CECR2: variants seen among roughly 807,000 people sequenced by gnomAD.
CECR2 encodes the protein CECR2 histone acetyl-lysine reader.
A neutral mutation model predicts 154.5 loss-of-function variants in CECR2; 30 were observed. The observed-to-expected ratio is 0.19, with a 90% CI of 0.15 to 0.26. The LOEUF (loss-of-function observed/expected upper bound fraction) is 0.26. CECR2 is among the 10% of genes least tolerant of loss of function. The probability of loss-of-function intolerance (pLI) is 1.00; values close to 1 mark genes in which losing one functional copy is unlikely to be tolerated. For missense variants in CECR2, 1,743 were observed against 1,829.3 expected (o/e 0.95, Z 0.86); for synonymous variants, 725 against 683.7 (o/e 1.06, Z -0.94).
At position 17,441,607 on chromosome 22, in the gene CECR2, C is replaced by CT. The variant is rs199638111; in HGVS notation, c.127-35981_127-35980insT. On this transcript the variant is annotated intron_variant, in intron 1 of 18. Transcript: ENST00000262608. ...GTGTCTTACTCTGTGGACCCCACCCCCCGTTACTTGAATGAATGAATGAAT... is the reference window on the plus strand; with the variant it reads ...GTGTCTTACTCTGTGGACCCCACCCCTCCGTTACTTGAATGAATGAATGAAT... Among the ~76,000 whole-genome samples, 52 of 140,180 alleles carry CT rather than the reference C, an allele frequency of 3.7e-4. No homozygotes were observed. In the East Asian group the frequency reaches 9.5e-3, roughly 25 times the overall value. The allele number at this position is 140,180 out of a possible 152,430, so 92.0% of individuals were successfully genotyped here.
chr22:17,478,587 C>T (rs1212467171), intron 2 of CECR2, among the ~76,000 whole-genome samples: 2 of 152,084 alleles, frequency 1.3e-5, no homozygotes, highest in Non-Finnish European at 2.9e-5. Flanking sequence ...GATCTCCCGA[C>T]CTCGTGATCT....
chr22:17,405,676 G>C (rs892804874), intron 1 of CECR2, among the ~76,000 whole-genome samples: 1 of 134,878 alleles, frequency 7.4e-6, no homozygotes, highest in African/African-American at 2.7e-5. Flanking sequence ...ATTTTCAATT[G>C]TTTGCTAGTA....
intron 1 of CECR2, among the ~76,000 whole-genome samples, chr22:17,455,032 G>C (rs149105135): frequency 3.5e-3 from 527 of 152,270 alleles, no homozygotes; most frequent in African/African-American, 0.012. Flanking sequence ...CTCACATTCT[G>C]TATTTGTCCC....
chr22:17,469,319 C>T (rs2055082777), intron 1 of CECR2, among the ~76,000 whole-genome samples: 1 of 152,172 alleles, frequency 6.6e-6, no homozygotes, highest in Admixed American at 6.5e-5. Flanking sequence ...TTTTGGGGGA[C>T]ACACTGAGAC....
intron 1 of CECR2, among the ~76,000 whole-genome samples, chr22:17,446,617 T>G (rs1403786021): frequency 6.6e-6 from 1 of 151,712 alleles, no homozygotes; most frequent in Non-Finnish European, 1.5e-5. Context: ...CTCAGGAGGT[T>G]AGGAAGGAGA....
chr22:17,397,676 T>C (rs549607112), intron 1 of CECR2, among the ~76,000 whole-genome samples: 1 of 152,018 alleles, frequency 6.6e-6, no homozygotes, highest in South Asian at 2.1e-4. Context: ...TTTTTGTACT[T>C]TTAGTAGAAA....
At chr22:17,488,664 A>G (rs2055468832) in intron 2 of CECR2, among the ~76,000 whole-genome samples, 1 of 152,144 alleles carries the variant, frequency 6.6e-6, no homozygotes, top group Admixed American at 6.6e-5. Context: ...GGGGGACTAA[A>G]TTGTATCTAG....
chr22:17,378,331 C>T (rs1387131369), intron 1 of CECR2, among the ~76,000 whole-genome samples: 1 of 150,882 alleles, frequency 6.6e-6, no homozygotes, highest in African/African-American at 2.4e-5. Context: ...GAGTTTTGCT[C>T]TGTTGTCCAG....
intron 13 of CECR2, 127 bp downstream of exon 13, chr22:17,539,246 T>C: frequency 2.8e-6 from 3 of 1,086,810 alleles, no homozygotes; most frequent in Non-Finnish European, 4.0e-6. Flanking sequence ...TGAAAAGTCA[T>C]GGGATTGACC....
At chr22:17,438,936 G>T (rs1428434511) in intron 1 of CECR2, among the ~76,000 whole-genome samples, 5 of 152,096 alleles carry the variant, frequency 3.3e-5, no homozygotes, top group Non-Finnish European at 5.9e-5. Flanking sequence ...CACTTTGGGG[G>T]AGGTCAAGTT....
intron 1 of CECR2, chr22:17,419,381 C>T: frequency 5.6e-6 from 1 of 178,188 alleles, no homozygotes. Context: ...GCAGAAGCCA[C>T]CTGGGGATTG....
intron 8 of CECR2, among the ~76,000 whole-genome samples, chr22:17,515,921 C>T (rs978721256): frequency 4.0e-5 from 6 of 151,822 alleles, no homozygotes; most frequent in South Asian, 4.2e-4. Flanking sequence ...GTGATCCACC[C>T]GCCTTAGCCT....
At position 17,557,130 on chromosome 22, in the gene CECR2, C is replaced by T. The variant is rs962934400; in HGVS notation, c.*4290C>T. The T allele has an allele frequency of 2.8e-5, 4 of 143,662 alleles. No homozygotes were observed. Among genetic ancestry groups the T allele is most frequent in the Admixed American group, 7.1e-5 (1 of 14,158 alleles). The allele number at this position is 143,662 out of a possible 1,614,324, so 8.9% of individuals were successfully genotyped here. A position where few individuals can be genotyped will look rare whatever the true frequency, so the allele number is the denominator to read the frequency against. ...TGTTTGGGTGAATGTTACTGCATCC[C>T]GTTTTTTTTCTTTTCTTTTTTTTTT... On this transcript the variant is annotated 3_prime_UTR_variant, in exon 19 of 19. Coordinates refer to ENST00000262608, the MANE Select transcript of CECR2 (RefSeq NM_001290047.2).
chr22:17,366,447 A>G (rs909512101), upstream of CECR2, among the ~76,000 whole-genome samples: 3 of 152,162 alleles, frequency 2.0e-5, no homozygotes, highest in African/African-American at 7.2e-5. Flanking sequence ...TGGGCCTCCC[A>G]AAGTGCTGAG....
chr22:17,554,561 T>C lies in CECR2; in HGVS notation c.*1721T>C, dbSNP rs1300679833. The C allele has an allele frequency of 1.3e-5, 2 of 152,224 alleles. No individual in the cohort carries two copies. The highest frequency in any genetic ancestry group is 4.8e-5 in the African/African-American group (2 of 41,462). The allele number at this position is 152,224 out of a possible 1,614,324, so 9.4% of individuals were successfully genotyped here. On this transcript the variant is annotated 3_prime_UTR_variant, in exon 19 of 19. Coordinates refer to ENST00000262608, the MANE Select transcript of CECR2 (RefSeq NM_001290047.2). ...CCAGGATGATGGAAGTTCATATCCG[T>C]ACGCAAATGCTGAACCTGGTGCTGC...
At chr22:17,520,229 ATTGTC>A (rs954844426) in intron 8 of CECR2, among the ~76,000 whole-genome samples, 3 of 152,164 alleles carry the variant, frequency 2.0e-5, no homozygotes, top group African/African-American at 7.2e-5. Flanking sequence ...GTTTACACCT[ATTGTC>A]TTTTGTTGTG....
chr22:17,435,453 T>G (rs569634373), intron 1 of CECR2, among the ~76,000 whole-genome samples: 3 of 152,238 alleles, frequency 2.0e-5, no homozygotes, highest in Non-Finnish European at 4.4e-5. Context: ...AGATCTCACT[T>G]TTGTGAATTG....
At chr22:17,459,952 G>A (rs540427703) in intron 1 of CECR2, among the ~76,000 whole-genome samples, 1 of 152,204 alleles carries the variant, frequency 6.6e-6, no homozygotes, top group Non-Finnish European at 1.5e-5. Context: ...TAGCAGCTTA[G>A]TATGTGCTGT....
chr22:17,460,805 A>G (rs570735124), intron 1 of CECR2, among the ~76,000 whole-genome samples: 78 of 152,296 alleles, frequency 5.1e-4, no homozygotes, highest in African/African-American at 1.8e-3. Context: ...TCTCTCCCAC[A>G]AAGTGAAACT....
Sources: gnomAD v4.1 joint callset for allele counts (sites outside exome capture counted in the v4.1 genomes callset) on GRCh38, gnomAD v4.1.1 for gene constraint, MANE v1.5 for transcripts, NCBI Gene and HGNC (gene_info 2026-07-23, HGNC 2026-07-21) for gene names.